Variants in LAPTM4B observed in about 807,000 individuals in gnomAD.
The protein encoded by LAPTM4B is lysosomal protein transmembrane 4 beta.
LAPTM4B carries 26 observed loss-of-function variants against 28.5 expected under a neutral mutation model. The ratio of observed to expected loss-of-function variants is 0.91; its 90% CI spans 0.67 to 1.27. The LOEUF (loss-of-function observed/expected upper bound fraction) is 1.27, where lower values mean the gene tolerates loss of function less well. LAPTM4B is among the 50% of genes most tolerant of loss of function. The pLI, the probability that LAPTM4B is intolerant of heterozygous loss-of-function variation, is 0.00. For synonymous variants in LAPTM4B, 109 were observed against 106.4 expected (o/e 1.02, Z -0.15); for missense variants, 288 against 285.8 (o/e 1.01, Z -0.06).
At chr8:97,832,146 C>T (rs865820583) in intron 6 of LAPTM4B, among the ~76,000 whole-genome samples, 39 of 152,084 alleles carry the variant, frequency 2.6e-4, no homozygotes, top group African/African-American at 8.9e-4. Flanking sequence ...ATCCTACTAG[C>T]TTTTTGGAGA....
At chr8:97,833,194 C>T (rs905017738) in intron 6 of LAPTM4B, among the ~76,000 whole-genome samples, 2 of 151,770 alleles carry the variant, frequency 1.3e-5, no homozygotes, top group African/African-American at 4.8e-5. Context: ...GTTAGCCGGG[C>T]GTGGTGGCAC....
chr8:97,802,316 C>T (rs1193544257), intron 1 of LAPTM4B, among the ~76,000 whole-genome samples: 2 of 152,074 alleles, frequency 1.3e-5, no homozygotes, highest in African/African-American at 4.8e-5. Flanking sequence ...CATGAGTTTT[C>T]CAGGAAAGGG....
At chr8:97,780,633 G>C (rs1816294126) in intron 1 of LAPTM4B, among the ~76,000 whole-genome samples, 1 of 152,084 alleles carries the variant, frequency 6.6e-6, no homozygotes, top group African/African-American at 2.4e-5. Context: ...TTCCTGGTGA[G>C]GTAGATTTTC....
intron 6 of LAPTM4B, among the ~76,000 whole-genome samples, chr8:97,832,977 G>A (rs13257184): frequency 0.47 from 70,058 of 149,512 alleles, 16,664 homozygotes; most frequent in East Asian, 0.57. Flanking sequence ...AAGTGCTGGG[G>A]TTACAGGTGT....
intron 5 of LAPTM4B, among the ~76,000 whole-genome samples, chr8:97,821,378 G>A (rs1816998665): frequency 1.3e-5 from 2 of 152,090 alleles, no homozygotes; most frequent in South Asian, 2.1e-4. Context: ...AGGTCGTGGG[G>A]GTTGTGAAGT....
At chr8:97,829,638 G>A (rs1817148907) in intron 6 of LAPTM4B, among the ~76,000 whole-genome samples, 1 of 151,998 alleles carries the variant, frequency 6.6e-6, no homozygotes, top group South Asian at 2.1e-4. Context: ...GAGAAGAGCA[G>A]CAGCCTGTTA....
intron 1 of LAPTM4B, among the ~76,000 whole-genome samples, chr8:97,777,299 A>G (rs1037746225): frequency 4.0e-5 from 6 of 151,636 alleles, no homozygotes; most frequent in African/African-American, 1.5e-4. Context: ...GGCGCCCGCC[A>G]CTATGCCTAG....
At chr8:97,822,107 G>A (rs921032613) in intron 5 of LAPTM4B, among the ~76,000 whole-genome samples, 4 of 152,012 alleles carry the variant, frequency 2.6e-5, no homozygotes, top group African/African-American at 9.7e-5. Flanking sequence ...CTGGTATTTG[G>A]CCCCACATGT....
chr8:97,788,838 G>T (rs1816450543), intron 1 of LAPTM4B, among the ~76,000 whole-genome samples: 1 of 151,468 alleles, frequency 6.6e-6, no homozygotes, highest in African/African-American at 2.4e-5. Context: ...GAGACTACGG[G>T]TGTCTGTCAC....
intron 1 of LAPTM4B, among the ~76,000 whole-genome samples, chr8:97,789,787 C>G (rs1311084871): frequency 6.6e-6 from 1 of 152,126 alleles, no homozygotes; most frequent in Non-Finnish European, 1.5e-5. Flanking sequence ...TCCCAAAGTG[C>G]TGGGATTACA....
chr8:97,800,606 C>T (rs1816659658), intron 1 of LAPTM4B, among the ~76,000 whole-genome samples: 1 of 149,802 alleles, frequency 6.7e-6, no homozygotes, highest in Non-Finnish European at 1.5e-5. Flanking sequence ...AAGCAATTCT[C>T]CTGCCTCAGC....
chr8:97,847,065 CAT>C (rs1184833531), intron 6 of LAPTM4B, among the ~76,000 whole-genome samples: 38 of 152,210 alleles, frequency 2.5e-4, no homozygotes, highest in African/African-American at 8.7e-4. Context: ...TTCTTTCCCA[CAT>C]GTTATGTAGG....
At chr8:97,839,754 A>C (rs1009857648) in intron 6 of LAPTM4B, among the ~76,000 whole-genome samples, 2 of 152,188 alleles carry the variant, frequency 1.3e-5, no homozygotes, top group African/African-American at 4.8e-5. Flanking sequence ...TTTACTATAA[A>C]ACACACACAC....
At chr8:97,812,227 G>GTT (rs55878345) in intron 2 of LAPTM4B, among the ~76,000 whole-genome samples, 109 of 89,050 alleles carry the variant, frequency 1.2e-3, no homozygotes, top group South Asian at 2.2e-3. Context: ...GTTGTTTTTT[G>GTT]TTTTTTTTTT....
chr8:97,796,149 C>T (rs1194064862), intron 1 of LAPTM4B, among the ~76,000 whole-genome samples: 2 of 152,240 alleles, frequency 1.3e-5, no homozygotes, highest in African/African-American at 4.8e-5. Flanking sequence ...CCGTGTTGGC[C>T]AGGCTGGTCT....
chr8:97,845,465 C>T (rs72673481), intron 6 of LAPTM4B, among the ~76,000 whole-genome samples: 19,128 of 151,898 alleles, frequency 0.13, 1,398 homozygotes, highest in East Asian at 0.19. Flanking sequence ...CTATAAGACA[C>T]TTCATCAGTT....
chr8:97,791,312 A>G (rs1816493739), intron 1 of LAPTM4B, among the ~76,000 whole-genome samples: 3 of 152,212 alleles, frequency 2.0e-5, no homozygotes, highest in African/African-American at 7.2e-5. Flanking sequence ...TCTTTAAGAC[A>G]TGAAAGGGAG....
intron 1 of LAPTM4B, among the ~76,000 whole-genome samples, chr8:97,803,548 A>G (rs1376049609): frequency 1.3e-5 from 2 of 152,216 alleles, no homozygotes; most frequent in Non-Finnish European, 2.9e-5. Flanking sequence ...TGGTGGGATT[A>G]CAGGTGTGAG....
intron 1 of LAPTM4B, among the ~76,000 whole-genome samples, chr8:97,804,071 A>C (rs1294871568): frequency 2.5e-4 from 38 of 152,252 alleles, no homozygotes; most frequent in Admixed American, 2.5e-3. Flanking sequence ...TGAACTTAGA[A>C]TAGTAAAGAA....
Sources: allele counts gnomAD v4.1 joint callset (sites outside exome capture counted in the v4.1 genomes callset), GRCh38; gene constraint gnomAD v4.1.1; transcripts MANE v1.5; gene names NCBI Gene and HGNC (gene_info 2026-07-23, HGNC 2026-07-21).